Variants in CA8 observed in about 807,000 individuals in gnomAD.
CA8 encodes carbonic anhydrase 8 (inactive).
CA8 carries 22 observed loss-of-function variants against 41.4 expected under a neutral mutation model. The ratio of observed to expected loss-of-function variants is 0.53; its 90% confidence interval spans 0.38 to 0.76. CA8 has a LOEUF of 0.76. Ranked by LOEUF, CA8 falls within the 30% of genes least tolerant of loss-of-function variation. The pLI is 0.00. For synonymous variants in CA8, 121 were observed against 130.6 expected (o/e 0.93, Z 0.50); for missense variants, 270 against 352.8 (o/e 0.77, Z 1.88).
At chr8:60,215,239 C>G (rs1160799052) in intron 7 of CA8, among the ~76,000 whole-genome samples, 2 of 152,074 alleles carry the variant, frequency 1.3e-5, no homozygotes, top group Non-Finnish European at 2.9e-5. Flanking sequence ...TTTCTAAACA[C>G]GACAATCCAG....
intron 3 of CA8, among the ~76,000 whole-genome samples, chr8:60,260,284 A>G (rs142687878): frequency 1.3e-3 from 197 of 151,798 alleles, no homozygotes; most frequent in South Asian, 4.2e-3. Context: ...CACCCCTTCG[A>G]CCCCATTCTT....
chr8:60,213,045 C>T (rs1806892176), intron 7 of CA8, among the ~76,000 whole-genome samples: 1 of 152,172 alleles, frequency 6.6e-6, no homozygotes, highest in African/African-American at 2.4e-5. Context: ...AGAGAGGACT[C>T]TCCACCTTTC....
chr8:60,207,101 C>T (rs879597928), intron 8 of CA8, among the ~76,000 whole-genome samples: 3 of 152,150 alleles, frequency 2.0e-5, no homozygotes, highest in Non-Finnish European at 2.9e-5. Context: ...ATGTGTCACT[C>T]GACCGCCAGT....
intron 3 of CA8, among the ~76,000 whole-genome samples, chr8:60,256,388 GCCTAGGGAA>G (rs1377636791): frequency 4.6e-5 from 7 of 152,236 alleles, no homozygotes; most frequent in Non-Finnish European, 7.4e-5. Context: ...GTAGGCTGTT[GCCTAGGGAA>G]CCATGTCAGA....
chr8:60,206,589 G>A (rs1806590589), intron 8 of CA8, among the ~76,000 whole-genome samples: 1 of 151,550 alleles, frequency 6.6e-6, no homozygotes, highest in Non-Finnish European at 1.5e-5. Flanking sequence ...CTGCCTCTTG[G>A]CCTCTCCTGT....
At chr8:60,241,058 C>T (rs1034586619) in intron 3 of CA8, among the ~76,000 whole-genome samples, 2 of 152,086 alleles carry the variant, frequency 1.3e-5, no homozygotes, top group African/African-American at 4.8e-5. Context: ...CATCTCTTTC[C>T]AGATCCACTC....
intron 7 of CA8, among the ~76,000 whole-genome samples, chr8:60,217,865 C>T (rs1200934408): frequency 6.6e-6 from 1 of 152,170 alleles, no homozygotes; most frequent in East Asian, 1.9e-4. Flanking sequence ...CCCTCCATCT[C>T]ATTGCCATGT....
In CA8 at chr8:60,232,315, T is replaced by G. The variant is rs547214296; in HGVS notation, c.482A>C (p.His161Pro). ...AAACAGAGCAATGATGGCGATTCCG[T>G]GCGGCTTCCCCACAGCCTCATCAAT... ...GSIDEAVGKP[H>P]GIAIIALFVQ... The change falls in exon 4 of 9, where the codon CAC becomes CCC. Residue 161 changes from histidine (H) to proline (P), a missense_variant. His to Pro is a moderately conservative substitution (Grantham distance 77, BLOSUM62 -2). This residue lies in a region of CA8 where 141 missense variants were observed against 191.6 expected (regional missense o/e 0.74). Coordinates refer to ENST00000317995, the MANE Select transcript of CA8 (RefSeq NM_004056.6). The G allele has an allele frequency of 6.2e-7, 1 of 1,613,926 alleles. No individual in the cohort carries two copies. The highest frequency in any genetic ancestry group is 8.5e-7 in the Non-Finnish European group (1 of 1,179,806).
chr8:60,255,107 G>A (rs934307498), intron 3 of CA8, among the ~76,000 whole-genome samples: 6 of 152,092 alleles, frequency 3.9e-5, no homozygotes, highest in African/African-American at 1.4e-4. Context: ...TCTGTAAGGA[G>A]GGGTTTTCCC....
intron 3 of CA8, among the ~76,000 whole-genome samples, chr8:60,253,124 A>C (rs377628801): frequency 1.4e-4 from 21 of 152,236 alleles, no homozygotes; most frequent in African/African-American, 5.1e-4. Flanking sequence ...AGTCCCAGCT[A>C]CTCAGGAGAC....
At chr8:60,227,938 T>G (rs1322081214) in intron 4 of CA8, among the ~76,000 whole-genome samples, 1 of 152,232 alleles carries the variant, frequency 6.6e-6, no homozygotes, top group African/African-American at 2.4e-5. Flanking sequence ...CAGTGGTCCA[T>G]GATAATGGAG....
Position 60,189,109 on chromosome 8 carries a change from T to C in CA8, c.*912A>G, listed in dbSNP as rs1806042503. 6.6e-6 allele frequency: 1 copy of C among 152,146 alleles called. No homozygotes were observed. Among genetic ancestry groups the C allele is most frequent in the Admixed American group, 6.6e-5 (1 of 15,256 alleles). 9.4% of individuals were successfully genotyped at this position (152,146 alleles called of 1,614,324 possible). On this transcript the variant is annotated 3_prime_UTR_variant, in exon 9 of 9. Coordinates refer to ENST00000317995, the MANE Select transcript of CA8 (RefSeq NM_004056.6). Reference sequence around the variant, plus strand: ...CTGCTAGTGGCACCTAAAATAAGGATATTGTTGGTCATCTTTAAAGAAATG... The same window carrying C: ...CTGCTAGTGGCACCTAAAATAAGGACATTGTTGGTCATCTTTAAAGAAATG...
intron 3 of CA8, among the ~76,000 whole-genome samples, chr8:60,255,933 A>AG (rs1291295521): frequency 6.9e-6 from 1 of 145,462 alleles, no homozygotes; most frequent in East Asian, 2.0e-4. Context: ...TTTGAAACAG[A>AG]GTTTCGTTAT....
In CA8 at chr8:60,187,444, C is replaced by G. The variant is rs774053769; in HGVS notation, c.*2577G>C. 6.6e-6 allele frequency: 1 copy of G among 151,898 alleles called. No individual in the cohort carries two copies. The highest frequency in any genetic ancestry group is 1.5e-5 in the Non-Finnish European group (1 of 67,940). 9.4% of individuals were successfully genotyped at this position (151,898 alleles called of 1,614,324 possible). On this transcript the variant is annotated 3_prime_UTR_variant, in exon 9 of 9. Transcript: ENST00000317995. The stretch of plus-strand genomic sequence containing the variant: ...AGACACAAACTAAATACAAAGCAAG[C>G]AGAAGTTAGTCTGCTTTCTTACTAA...
chr8:60,186,022 A>G lies in CA8; in HGVS notation c.*3999T>C, dbSNP rs904327856. On this transcript the variant is annotated 3_prime_UTR_variant, in exon 9 of 9. Coordinates refer to ENST00000317995, the MANE Select transcript of CA8 (RefSeq NM_004056.6). ...GACAATGACAACACAAAGGAGGTAA[A>G]TAAGAACAAAGTAGTACTGGAGTAA... Among the ~76,000 whole-genome samples the G allele has an allele frequency of 6.6e-6, 1 of 152,154 alleles. No homozygotes were observed. Among genetic ancestry groups the G allele is most frequent in the Non-Finnish European group, 1.5e-5 (1 of 67,972 alleles).
At chr8:60,267,307 G>C (rs1410207559) in intron 2 of CA8, among the ~76,000 whole-genome samples, 2 of 152,172 alleles carry the variant, frequency 1.3e-5, no homozygotes, top group Non-Finnish European at 2.9e-5. Context: ...GGAGGTCATG[G>C]AGTCCTTGAT....
At chr8:60,261,414 T>G (rs974287877) in intron 3 of CA8, among the ~76,000 whole-genome samples, 21 of 152,168 alleles carry the variant, frequency 1.4e-4, no homozygotes, top group African/African-American at 5.1e-4. Context: ...ACCTCCTTTT[T>G]GGCAATTCAC....
At chr8:60,196,666 T>C (rs1806289660) in intron 8 of CA8, among the ~76,000 whole-genome samples, 1 of 152,202 alleles carries the variant, frequency 6.6e-6, no homozygotes, top group African/African-American at 2.4e-5. Flanking sequence ...AAAATCCTAA[T>C]AGGATTCCTT....
Position 60,279,776 on chromosome 8 carries a change from G to T in CA8, c.205C>A (p.Arg69Ser). 1 of 1,614,042 alleles carries T rather than the reference G, an allele frequency of 6.2e-7. No individual in the cohort carries two copies. Reference protein sequence around the residue: ...ARYDPSLLDVRLSPNYVVCRD... With the variant: ...ARYDPSLLDVSLSPNYVVCRD... Reference sequence around the variant, plus strand: ...CACACCACATAATTTGGGGAGAGGCGGACATCCAACAGCGAGGGGTCATAC... The same window carrying T: ...CACACCACATAATTTGGGGAGAGGCTGACATCCAACAGCGAGGGGTCATAC... Residue 69 changes from arginine (R) to serine (S), a missense_variant, in exon 2 of 9, where the codon CGC (arginine) becomes AGC (serine). Physicochemically the swap from Arg to Ser is moderately radical, Grantham distance 110. Coordinates refer to ENST00000317995, the MANE Select transcript of CA8 (RefSeq NM_004056.6).
Sources: gnomAD v4.1 joint callset for allele counts (sites outside exome capture counted in the v4.1 genomes callset) on GRCh38, gnomAD v4.1.1 for gene constraint, gnomAD v4.1.1 regional missense constraint, MANE v1.5 for transcripts, NCBI Gene and HGNC (gene_info 2026-07-23, HGNC 2026-07-21) for gene names.